AXIN1: variants seen among roughly 807,000 people sequenced by gnomAD.
AXIN1 encodes axin 1, also known as axin-1.
Under a neutral mutation model 76.4 loss-of-function variants are expected in AXIN1, and 30 were observed. The observed-to-expected ratio is 0.39, with a 90% CI of 0.29 to 0.53. The LOEUF (loss-of-function observed/expected upper bound fraction) is 0.53, where lower values mean the gene tolerates loss of function less well. Ranked by LOEUF, AXIN1 falls within the 20% of genes least tolerant of loss-of-function variation. AXIN1 has a pLI of 0.66. For missense variants in AXIN1, 1,140 were observed against 1,198.8 expected, an observed-to-expected ratio of 0.95 and a Z score of 0.72; for synonymous variants, 545 against 501.4, an observed-to-expected ratio of 1.09 and a Z score of -1.16.
At chr16:291,589 A>C (rs1596973323) in intron 8 of AXIN1, 2 of 494,764 alleles carry the variant, frequency 4.0e-6, no homozygotes, top group Non-Finnish European at 3.7e-6. Flanking sequence ...GGATCCCACC[A>C]CCTCATCCCC....
chr16:340,368 C>G (rs77243178), intron 2 of AXIN1, among the ~76,000 whole-genome samples: 8,263 of 152,302 alleles, frequency 0.054, 589 homozygotes, highest in African/African-American at 0.16. Flanking sequence ...CCAGGAAGAC[C>G]CTGTCCCCAG....
chr16:327,634 C>G (rs1410147050), intron 2 of AXIN1, among the ~76,000 whole-genome samples: 7 of 152,236 alleles, frequency 4.6e-5, no homozygotes, highest in African/African-American at 1.7e-4. Flanking sequence ...GCCCTGGCAG[C>G]CACCCACACC....
At chr16:304,168 A>G (rs2052951659) in intron 5 of AXIN1, 136 bp downstream of exon 5, 1 of 1,428,154 alleles carries the variant, frequency 7.0e-7, no homozygotes, top group Admixed American at 1.7e-5. Flanking sequence ...GGAACAGGGG[A>G]CTCAGCCGGG....
In AXIN1 at chr16:289,560, T is replaced by C. The variant is rs2141468625; in HGVS notation, c.2342A>G (p.Asp781Gly). The stretch of plus-strand genomic sequence containing the variant: ...GAAGTAGTACGCCACAACGATGCTG[T>C]CACACGGCTGGGCACTCCCGCCGCC... ...KVGGGSAQPCDSIVVAYYFCG... is the reference protein window; with the variant it reads ...KVGGGSAQPCGSIVVAYYFCG... Residue 781 changes from aspartate (D) to glycine (G), a missense_variant, in exon 10 of 11, where the codon GAC becomes GGC. Asp to Gly is a moderately conservative substitution (Grantham distance 94, BLOSUM62 -1). Transcript: ENST00000262320. The C allele has an allele frequency of 6.2e-7, 1 of 1,612,976 alleles. No individual in the cohort carries two copies. The highest frequency in any genetic ancestry group is 1.1e-5 in the South Asian group (1 of 91,086).
rs111897128 is a variant in AXIN1 at position 331,995 on chromosome 16, A to T, written c.878+14153T>A. On this transcript the variant is annotated intron_variant, in intron 2 of 10. Coordinates refer to ENST00000262320, the MANE Select transcript of AXIN1 (RefSeq NM_003502.4). Reference sequence around the variant, plus strand: ...CCCTGACTACAGCAGATGGGAAGTTACTTAATCTCCCAGGGCCTCAGTTTC... The same window carrying T: ...CCCTGACTACAGCAGATGGGAAGTTTCTTAATCTCCCAGGGCCTCAGTTTC... Among the ~76,000 whole-genome samples, 532 of 152,280 alleles carry T rather than the reference A, an allele frequency of 3.5e-3. 2 individuals carry two copies. The highest frequency in any genetic ancestry group is 6.5e-3 in the Non-Finnish European group (442 of 68,034).
At chr16:343,774 GA>G in intron 2 of AXIN1, among the ~76,000 whole-genome samples, 1 of 151,888 alleles carries the variant, frequency 6.6e-6, no homozygotes, top group Admixed American at 6.6e-5. Context: ...AGCACTTTGG[GA>G]GGCTGAGATC....
At chr16:329,109 C>G (rs1237227314) in intron 2 of AXIN1, among the ~76,000 whole-genome samples, 1 of 151,924 alleles carries the variant, frequency 6.6e-6, no homozygotes, top group Non-Finnish European at 1.5e-5. Flanking sequence ...GAAACCCTGT[C>G]TCTACTAAAA....
Position 287,893 on chromosome 16 carries a change from G to T in AXIN1, c.*229C>A, listed in dbSNP as rs942824970. 5 of 655,576 alleles carry T rather than the reference G, an allele frequency of 7.6e-6. No homozygotes were observed. Among genetic ancestry groups the T allele is most frequent in the Admixed American group, 2.7e-5 (1 of 37,532 alleles). 40.6% of individuals were successfully genotyped at this position (655,576 alleles called of 1,614,324 possible). A position where few individuals can be genotyped will look rare whatever the true frequency, so the allele number is the denominator to read the frequency against. On this transcript the variant is annotated 3_prime_UTR_variant, in exon 11 of 11. Transcript: ENST00000262320. ...GCCTCACTTGGGCTGGGCCCTCCAA[G>T]TATTGCTATGAGGAGTGGTCCAGGC...
intron 9 of AXIN1, chr16:290,039 T>C (rs903801913): frequency 7.5e-6 from 2 of 266,816 alleles, no homozygotes. Flanking sequence ...CAGCGAAGTT[T>C]GTCGGAGGAC....
intron 3 of AXIN1, 146 bp downstream of exon 3, chr16:314,397 A>G: frequency 7.9e-7 from 1 of 1,264,786 alleles, no homozygotes; most frequent in Non-Finnish European, 1.1e-6. Context: ...GCTCTGCAGC[A>G]GGGTGGGACT....
At chr16:334,119 A>G (rs1300812884) in intron 2 of AXIN1, among the ~76,000 whole-genome samples, 1 of 151,380 alleles carries the variant, frequency 6.6e-6, no homozygotes, top group Non-Finnish European at 1.5e-5. Flanking sequence ...CATGCCAATA[A>G]CACAGCACCC....
At chr16:326,370 A>ATT (rs1415761664) in intron 2 of AXIN1, among the ~76,000 whole-genome samples, 9 of 93,000 alleles carry the variant, frequency 9.7e-5, no homozygotes, top group African/African-American at 4.4e-4. Flanking sequence ...AAAAAAAAAA[A>ATT]AAATATATAT....
chr16:287,901 A>C lies in AXIN1; in HGVS notation c.*221T>G. 1 of 682,594 alleles carries C rather than the reference A, an allele frequency of 1.5e-6. No individual in the cohort carries two copies. The highest frequency in any genetic ancestry group is 2.5e-6 in the Non-Finnish European group (1 of 397,970). The allele number at this position is 682,594 out of a possible 1,614,324, so 42.3% of individuals were successfully genotyped here. A position where few individuals can be genotyped will look rare whatever the true frequency, so the allele number is the denominator to read the frequency against. ...TGGGCTGGGCCCTCCAAGTATTGCT[A>C]TGAGGAGTGGTCCAGGCTGCCTCCT... On this transcript the variant is annotated 3_prime_UTR_variant, in exon 11 of 11. Coordinates refer to ENST00000262320, the MANE Select transcript of AXIN1 (RefSeq NM_003502.4).
intron 3 of AXIN1, 37 bp from the exon 4 acceptor site, chr16:310,106 G>C (rs985462754): frequency 6.4e-7 from 1 of 1,565,382 alleles, no homozygotes; most frequent in Non-Finnish European, 8.7e-7. Flanking sequence ...AACTCAGAGA[G>C]GAGCAGGAGG....
In AXIN1 at chr16:293,260, C is replaced by A; in HGVS notation, c.2186+228G>T. The A allele has an allele frequency of 1.7e-6, 1 of 593,174 alleles. No homozygotes were observed. 36.7% of individuals were successfully genotyped at this position (593,174 alleles called of 1,614,324 possible). A position where few individuals can be genotyped will look rare whatever the true frequency, so the allele number is the denominator to read the frequency against. On this transcript the variant is annotated intron_variant, in intron 8 of 10. Coordinates refer to ENST00000262320, the MANE Select transcript of AXIN1 (RefSeq NM_003502.4). This position sits in a 1 kb window ranked among gnomAD's most constrained non-coding sequence, Gnocchi z 4.6. ...GACCCCGCCTCCAGAGCAATGAGCG[C>A]GGCGGCCTCGGGTGTGTGAAAGCTC...
chr16:319,105 G>A lies in AXIN1; in HGVS notation c.879-4422C>T, dbSNP rs145251127. 3.1e-3 allele frequency among the ~76,000 whole-genome samples: 468 copies of A among 152,304 alleles called. 1 individual carries two copies. Among genetic ancestry groups the A allele is most frequent in the African/African-American group, 0.01 (435 of 41,564 alleles). ...AGGTGCCAGGACTCAGGCAGAGTCC[G>A]GGGACACAGAGGCTGGGAGACCCTG... On this transcript the variant is annotated intron_variant, in intron 2 of 10. Transcript: ENST00000262320.
chr16:343,093 T>A (rs919311071), intron 2 of AXIN1, among the ~76,000 whole-genome samples: 1 of 151,346 alleles, frequency 6.6e-6, no homozygotes, highest in Non-Finnish European at 1.5e-5. Context: ...ACAGAGAGGA[T>A]TCAACCGCAG....
chr16:290,065 C>G, intron 9 of AXIN1: 1 of 247,064 alleles, frequency 4.0e-6, no homozygotes, highest in South Asian at 4.9e-5. Flanking sequence ...CGGGGGTGGC[C>G]AGCAGGCCCT....
At chr16:322,487 A>G (rs1431638957) in intron 2 of AXIN1, among the ~76,000 whole-genome samples, 1 of 152,184 alleles carries the variant, frequency 6.6e-6, no homozygotes, top group Admixed American at 6.5e-5. Flanking sequence ...CTGAGTTAGC[A>G]TGGCAGGTGC....
Sources: gnomAD v4.1 joint callset for allele counts (sites outside exome capture counted in the v4.1 genomes callset) on GRCh38, gnomAD v4.1.1 for gene constraint, Gnocchi (gnomAD v3.1) non-coding constraint, MANE v1.5 for transcripts, NCBI Gene and HGNC (gene_info 2026-07-23, HGNC 2026-07-21) for gene names.